Variants in NAALADL2 observed in about 807,000 individuals in gnomAD.
NAALADL2 encodes inactive N-acetylated-alpha-linked acidic dipeptidase-like protein 2.
A neutral mutation model predicts 87.2 loss-of-function variants in NAALADL2; 76 were observed. That is an observed-to-expected ratio of 0.87 (90% CI 0.72 to 1.05). NAALADL2 has a LOEUF of 1.05. Ranked by LOEUF, NAALADL2 falls within the 50% of genes least tolerant of loss-of-function variation. The pLI is 0.00. For missense variants in NAALADL2, 1,089 were observed against 945.8 expected, an observed-to-expected ratio of 1.15 and a Z score of -1.99; for synonymous variants, 354 against 331.0, an observed-to-expected ratio of 1.07 and a Z score of -0.75.
chr3:175,230,063 A>C (rs930896333), intron 2 of NAALADL2, among the ~76,000 whole-genome samples: 2 of 152,042 alleles, frequency 1.3e-5, no homozygotes, highest in African/African-American at 4.8e-5. Flanking sequence ...CAGAGTTGTC[A>C]TTGCACATTA....
chr3:175,387,720 T>G (rs1768573520), intron 5 of NAALADL2, among the ~76,000 whole-genome samples: 2 of 152,084 alleles, frequency 1.3e-5, no homozygotes, highest in Admixed American at 1.3e-4. Context: ...GTTTTTGGAA[T>G]GCTAATAGTA....
chr3:175,609,165 G>A (rs910127049), intron 10 of NAALADL2, among the ~76,000 whole-genome samples: 1 of 152,066 alleles, frequency 6.6e-6, no homozygotes, highest in East Asian at 1.9e-4. Flanking sequence ...GGCCCACATA[G>A]AGATTGAACA....
At chr3:175,543,130 C>A (rs930971265) in intron 9 of NAALADL2, among the ~76,000 whole-genome samples, 3 of 152,152 alleles carry the variant, frequency 2.0e-5, no homozygotes, top group African/African-American at 7.2e-5. Flanking sequence ...CACATAAATT[C>A]TTATCCACCT....
intron 1 of NAALADL2, among the ~76,000 whole-genome samples, chr3:174,988,484 T>C (rs1746276329): frequency 6.6e-6 from 1 of 152,156 alleles, no homozygotes; most frequent in Non-Finnish European, 1.5e-5. Flanking sequence ...ATTCAGCCAA[T>C]GTATTAGTTT....
chr3:175,702,783 C>T (rs1391608501), intron 11 of NAALADL2, among the ~76,000 whole-genome samples: 2 of 152,010 alleles, frequency 1.3e-5, no homozygotes, highest in African/African-American at 4.8e-5. Context: ...AGAATCCCCT[C>T]TACTTGGGAA....
At chr3:175,130,198 T>C (rs995438316) in intron 2 of NAALADL2, among the ~76,000 whole-genome samples, 1 of 132,280 alleles carries the variant, frequency 7.6e-6, no homozygotes, top group Non-Finnish European at 1.7e-5. Flanking sequence ...TTTATAACTT[T>C]TGTATATTAT....
At chr3:175,500,980 G>A (rs866102416) in intron 9 of NAALADL2, among the ~76,000 whole-genome samples, 1 of 152,142 alleles carries the variant, frequency 6.6e-6, no homozygotes, top group South Asian at 2.1e-4. Context: ...TGGGAATAGT[G>A]AATAAGACTG....
chr3:174,958,542 A>T (rs1012158140), intron 1 of NAALADL2, among the ~76,000 whole-genome samples: 1 of 152,026 alleles, frequency 6.6e-6, no homozygotes, highest in African/African-American at 2.4e-5. Flanking sequence ...TTTTAAGTGG[A>T]GTGATTCAAT....
intron 2 of NAALADL2, among the ~76,000 whole-genome samples, chr3:174,719,461 T>A (rs2108945686): frequency 6.6e-6 from 1 of 152,350 alleles, no homozygotes; most frequent in African/African-American, 2.4e-5. Context: ...CTATGTGCTA[T>A]AAGTTCATGG....
chr3:175,783,729 C>T (rs1376960225), intron 13 of NAALADL2, among the ~76,000 whole-genome samples: 1 of 151,118 alleles, frequency 6.6e-6, no homozygotes, highest in Non-Finnish European at 1.5e-5. Flanking sequence ...GCCAGAACTT[C>T]CAACACTATG....
chr3:174,627,378 A>G (rs988071766), intron 2 of NAALADL2, among the ~76,000 whole-genome samples: 1 of 152,202 alleles, frequency 6.6e-6, no homozygotes, highest in African/African-American at 2.4e-5. Context: ...TAAACCCACA[A>G]AAAGATACCA....
At chr3:175,800,252 C>T (rs943140378) in intron 13 of NAALADL2, among the ~76,000 whole-genome samples, 18 of 152,092 alleles carry the variant, frequency 1.2e-4, no homozygotes, top group Non-Finnish European at 1.6e-4. Flanking sequence ...TTCTACACTC[C>T]ACAAGACCTT....
intron 2 of NAALADL2, among the ~76,000 whole-genome samples, chr3:174,652,528 G>A (rs1249803567): frequency 6.6e-6 from 1 of 152,128 alleles, no homozygotes; most frequent in Non-Finnish European, 1.5e-5. Context: ...GCAAGAGACT[G>A]TGTGCAGGGG....
chr3:175,207,186 A>T (rs1401443447), intron 2 of NAALADL2, among the ~76,000 whole-genome samples: 2 of 152,142 alleles, frequency 1.3e-5, no homozygotes, highest in Non-Finnish European at 2.9e-5. Flanking sequence ...GAATTAGCTG[A>T]CCAAGTCAAT....
At chr3:175,613,970 T>G (rs1159354425) in intron 10 of NAALADL2, among the ~76,000 whole-genome samples, 1 of 152,198 alleles carries the variant, frequency 6.6e-6, no homozygotes, top group African/African-American at 2.4e-5. Flanking sequence ...GGTAAACATA[T>G]ACCTTTTACA....
At position 175,755,255 on chromosome 3, in the gene NAALADL2, G is replaced by A. The variant is rs1445171849; in HGVS notation, c.2026G>A (p.Ala676Thr). The change falls in exon 13 of 14, where the codon GCG (alanine) becomes ACG (threonine). Residue 676 changes from alanine (A) to threonine (T), a missense_variant. Physicochemically the swap from Ala to Thr is moderately conservative, Grantham distance 58 (BLOSUM62 0). Coordinates refer to ENST00000454872, the MANE Select transcript of NAALADL2 (RefSeq NM_207015.3). Reference sequence around the variant, plus strand: ...CAACACTCATCAACTGTTAGCCATGGCGTTACGCCTGCGGGAGAGTGCTGA... The same window carrying A: ...CAACACTCATCAACTGTTAGCCATGACGTTACGCCTGCGGGAGAGTGCTGA... ...QPNTHQLLAM[A>T]LRLRESAELF... is the part of the protein sequence containing the mutation. 1 of 1,613,364 alleles carries A rather than the reference G, an allele frequency of 6.2e-7. No homozygotes were observed. Among genetic ancestry groups the A allele is most frequent in the Non-Finnish European group, 8.5e-7 (1 of 1,179,764 alleles).
chr3:174,836,526 C>A (rs1273241587), intron 3 of NAALADL2, among the ~76,000 whole-genome samples: 2 of 151,662 alleles, frequency 1.3e-5, no homozygotes, highest in Non-Finnish European at 2.9e-5. Context: ...ACGGTGAAAC[C>A]CCTTCTCTAC....
chr3:175,623,869 G>T (rs1284832208), intron 10 of NAALADL2, among the ~76,000 whole-genome samples: 1 of 150,714 alleles, frequency 6.6e-6, no homozygotes, highest in African/African-American at 2.4e-5. Flanking sequence ...GTTTCTTGGC[G>T]TTTTTTTGTT....
intron 10 of NAALADL2, among the ~76,000 whole-genome samples, chr3:175,624,488 C>T (rs1322927445): frequency 6.6e-6 from 1 of 152,012 alleles, no homozygotes; most frequent in African/African-American, 2.4e-5. Context: ...TAATTAAAGG[C>T]ATTCATTATT....
Sources: allele counts gnomAD v4.1 joint callset (sites outside exome capture counted in the v4.1 genomes callset), GRCh38; gene constraint gnomAD v4.1.1; transcripts MANE v1.5; gene names NCBI Gene and HGNC (gene_info 2026-07-23, HGNC 2026-07-21).